TXNDC11: variants seen among roughly 807,000 people sequenced by gnomAD.
TXNDC11 encodes the protein thioredoxin domain containing 11.
TXNDC11 carries 68 observed loss-of-function variants against 78.0 expected under a neutral mutation model. That is an observed-to-expected ratio of 0.87 (90% CI 0.72 to 1.07). The LOEUF (loss-of-function observed/expected upper bound fraction) is 1.07, where lower values mean the gene tolerates loss of function less well. Ranked by LOEUF, TXNDC11 falls within the 50% of genes least tolerant of loss-of-function variation. The pLI, the probability that TXNDC11 is intolerant of heterozygous loss-of-function variation, is 0.00. For synonymous variants in TXNDC11, 571 were observed against 495.2 expected (o/e 1.15, Z -2.03); for missense variants, 1,389 against 1,221.8 (o/e 1.14, Z -2.04).
At chr16:11,717,442 A>AT (rs2051561921) in intron 5 of TXNDC11, among the ~76,000 whole-genome samples, 1 of 150,740 alleles carries the variant, frequency 6.6e-6, no homozygotes, top group Admixed American at 6.6e-5. Flanking sequence ...ATGAAAAAAA[A>AT]AAAAAAAAAA....
intron 7 of TXNDC11, among the ~76,000 whole-genome samples, chr16:11,692,561 C>T (rs1305982884): frequency 6.6e-6 from 1 of 152,056 alleles, no homozygotes; most frequent in African/African-American, 2.4e-5. Context: ...TTAAGATCTT[C>T]GGTAAGAACG....
intron 5 of TXNDC11, among the ~76,000 whole-genome samples, chr16:11,713,983 T>A (rs150570608): frequency 4.1e-3 from 618 of 151,944 alleles, no homozygotes; most frequent in Middle Eastern, 0.01. Context: ...TGCTTGTCAG[T>A]CCCTTGTTTT....
chr16:11,717,713 C>T (rs1202096143), intron 5 of TXNDC11, among the ~76,000 whole-genome samples: 4 of 149,538 alleles, frequency 2.7e-5, no homozygotes, highest in Non-Finnish European at 3.0e-5. Context: ...CCCAGCTACT[C>T]GGGAGGCTGA....
intron 8 of TXNDC11, chr16:11,691,074 CTT>C: frequency 1.8e-6 from 1 of 562,316 alleles, no homozygotes; most frequent in East Asian, 3.1e-5. Context: ...AAATGACAAA[CTT>C]ATCCAAAATT....
At position 11,694,097 on chromosome 16, in the gene TXNDC11, C is replaced by CTTTTTTTTT. The variant is rs535913245; in HGVS notation, c.1108-2024_1108-2016dup. Among the ~76,000 whole-genome samples, 6 of 85,690 alleles carry CTTTTTTTTT rather than the reference C, an allele frequency of 7.0e-5. 1 individual carries two copies. Among genetic ancestry groups the CTTTTTTTTT allele is most frequent in the African/African-American group, 2.9e-4 (6 of 20,492 alleles). 56.2% of individuals were successfully genotyped at this position (85,690 alleles called of 152,430 possible). A position where few individuals can be genotyped will look rare whatever the true frequency, so the allele number is the denominator to read the frequency against. The stretch of plus-strand genomic sequence containing the variant: ...AGAAAGTATTCTGTCTACAGCAATG[C>CTTTTTTTTT]TTTTTTTTTTTTTTTTTTTTTTTTT... On this transcript the variant is annotated intron_variant, in intron 7 of 11. Coordinates refer to ENST00000283033, the MANE Select transcript of TXNDC11 (RefSeq NM_015914.7).
At chr16:11,736,330 T>C in intron 1 of TXNDC11, 97 bp from the exon 2 acceptor site, 2 of 1,032,202 alleles carry the variant, frequency 1.9e-6, no homozygotes, top group Non-Finnish European at 2.8e-6. Context: ...AAATCCTCTT[T>C]TGAATAAGAA....
chr16:11,739,729 G>GAC (rs2052336291), intron 1 of TXNDC11, among the ~76,000 whole-genome samples: 1 of 152,084 alleles, frequency 6.6e-6, no homozygotes. Context: ...AGGATGAAGA[G>GAC]ACACAGGTAA....
At chr16:11,739,413 CTACTA>C (rs1413697892) in intron 1 of TXNDC11, among the ~76,000 whole-genome samples, 1 of 152,130 alleles carries the variant, frequency 6.6e-6, no homozygotes, top group African/African-American at 2.4e-5. Flanking sequence ...ATAGTCCCAG[CTACTA>C]TACTCAGGAG....
At chr16:11,742,313 G>T in intron 1 of TXNDC11, 164 bp downstream of exon 1, 1 of 508,576 alleles carries the variant, frequency 2.0e-6, no homozygotes, top group Non-Finnish European at 3.2e-6. Flanking sequence ...GGGGCGAGGA[G>T]AAGGTGGGAA....
rs151065717 is a variant in TXNDC11 at position 11,741,469 on chromosome 16, G to C, written c.254+1008C>G. 3.2e-3 allele frequency among the ~76,000 whole-genome samples: 482 copies of C among 152,206 alleles called. 2 individuals are homozygous for C. Among genetic ancestry groups the C allele is most frequent in the African/African-American group, 0.011 (464 of 41,516 alleles). ...TTTATCAATTCCAGGGAAACACCAA[G>C]CTTGCCCAGCCTCAGAAACTCTGCA... On this transcript the variant is annotated intron_variant, in intron 1 of 11. Transcript: ENST00000283033.
chr16:11,702,703 T>TA (rs1487420153), intron 5 of TXNDC11, among the ~76,000 whole-genome samples: 2 of 152,122 alleles, frequency 1.3e-5, no homozygotes, highest in East Asian at 3.9e-4. Context: ...AATTTTTTTT[T>TA]AAAAAACAGT....
At position 11,679,140 on chromosome 16, in the gene TXNDC11, A is replaced by C; in HGVS notation, c.*55T>G. On this transcript the variant is annotated 3_prime_UTR_variant, in exon 12 of 12. Transcript: ENST00000283033. The surrounding 1 kb of genome is among the most constrained non-coding windows in gnomAD (Gnocchi z 4.6). Reference sequence around the variant, plus strand: ...AATAAATTTCAATAAAATTTGCATAAATATATTCCCAATGTACAATTTTCA... The same window carrying C: ...AATAAATTTCAATAAAATTTGCATACATATATTCCCAATGTACAATTTTCA... 1 of 1,552,984 alleles carries C rather than the reference A, an allele frequency of 6.4e-7. No individual in the cohort carries two copies. Among genetic ancestry groups the C allele is most frequent in the Non-Finnish European group, 8.7e-7 (1 of 1,143,620 alleles).
chr16:11,686,254 C>T (rs945849118), intron 10 of TXNDC11, among the ~76,000 whole-genome samples: 3 of 152,154 alleles, frequency 2.0e-5, no homozygotes, highest in Admixed American at 6.5e-5. Flanking sequence ...CACTGCACCT[C>T]GCCTATATCC....
At chr16:11,726,841 G>A (rs2051894281) in intron 4 of TXNDC11, among the ~76,000 whole-genome samples, 3 of 152,070 alleles carry the variant, frequency 2.0e-5, no homozygotes, top group Non-Finnish European at 2.9e-5. Flanking sequence ...GATCACTTGA[G>A]GCTAGGAGTT....
intron 5 of TXNDC11, among the ~76,000 whole-genome samples, chr16:11,720,347 T>C (rs2051665566): frequency 6.6e-6 from 1 of 151,642 alleles, no homozygotes; most frequent in African/African-American, 2.4e-5. Flanking sequence ...ATCTGACAGA[T>C]AAAATAACCA....
intron 8 of TXNDC11, chr16:11,690,941 T>G: frequency 3.5e-6 from 1 of 289,188 alleles, no homozygotes; most frequent in Non-Finnish European, 6.5e-6. Context: ...CCCACCAGAA[T>G]AGCTCTCCAC....
chr16:11,690,825 G>A (rs2050695067), intron 8 of TXNDC11: 1 of 157,680 alleles, frequency 6.3e-6, no homozygotes, highest in Non-Finnish European at 1.4e-5. Flanking sequence ...CTCCCAAAGT[G>A]CTGGGATTAC....
chr16:11,703,382 T>C (rs1053058762), intron 5 of TXNDC11, among the ~76,000 whole-genome samples: 2 of 152,206 alleles, frequency 1.3e-5, no homozygotes, highest in Non-Finnish European at 2.9e-5. Flanking sequence ...AAGTACATTA[T>C]ACATAATTAC....
At position 11,704,915 on chromosome 16, in the gene TXNDC11, C is replaced by CTT. The variant is rs60887025; in HGVS notation, c.794-4353_794-4352dup. Reference sequence around the variant, plus strand: ...AACCAATGTTAACTTCTTTTTCTTTCTTTTTTTTTTTTGAGACAGATTCTT... The same window carrying CTT: ...AACCAATGTTAACTTCTTTTTCTTTCTTTTTTTTTTTTTTGAGACAGATTCTT... On this transcript the variant is annotated intron_variant, in intron 5 of 11. Transcript: ENST00000283033. Among the ~76,000 whole-genome samples, 153 of 147,198 alleles carry CTT rather than the reference C, an allele frequency of 1.0e-3. 2 individuals carry two copies. The highest frequency in any genetic ancestry group is 1.4e-3 in the Non-Finnish European group (95 of 66,656).
Sources: allele counts gnomAD v4.1 joint callset (sites outside exome capture counted in the v4.1 genomes callset), GRCh38; gene constraint gnomAD v4.1.1; non-coding constraint Gnocchi (gnomAD v3.1); transcripts MANE v1.5; gene names NCBI Gene and HGNC (gene_info 2026-07-23, HGNC 2026-07-21).